The following RPS6KA2 variants were observed in gnomAD, a reference collection of about 807,000 sequenced individuals.
The protein encoded by RPS6KA2 is ribosomal protein S6 kinase alpha-2.
Under a neutral mutation model 91.8 loss-of-function variants are expected in RPS6KA2, and 42 were observed. That is an observed-to-expected ratio of 0.46 (90% confidence interval 0.36 to 0.59). RPS6KA2 has a LOEUF of 0.59. Ranked by LOEUF, RPS6KA2 falls within the 20% of genes least tolerant of loss-of-function variation. RPS6KA2 has a pLI of 0.00. For synonymous variants in RPS6KA2, 414 were observed against 393.6 expected, an observed-to-expected ratio of 1.05 and a Z score of -0.61; for missense variants, 798 against 978.5, an observed-to-expected ratio of 0.82 and a Z score of 2.46.
intron 2 of RPS6KA2, among the ~76,000 whole-genome samples, chr6:166,796,163 G>A (rs1326779746): frequency 6.6e-6 from 1 of 152,186 alleles, no homozygotes; most frequent in African/African-American, 2.4e-5. Context: ...CTAGCGGGGA[G>A]ACTAAAAGTA....
chr6:166,515,727 A>T (rs1433198660), intron 3 of RPS6KA2, among the ~76,000 whole-genome samples: 8 of 152,200 alleles, frequency 5.3e-5, no homozygotes, highest in Non-Finnish European at 8.8e-5. Flanking sequence ...TGTGAAAGGA[A>T]AATAAATCCT....
chr6:166,695,384 C>T (rs1172042699), intron 2 of RPS6KA2, among the ~76,000 whole-genome samples: 1 of 152,228 alleles, frequency 6.6e-6, no homozygotes, highest in Non-Finnish European at 1.5e-5. Context: ...AGGAGACCCA[C>T]AGAGACGTAC....
At position 166,626,903 on chromosome 6, in the gene RPS6KA2, C is replaced by T; in HGVS notation, c.99+18G>A. ...CTCAGTGCCCGGCACCTGCGCGCCCCGAGGGCGGCCGCATTACCTCGAGCC... is the reference window on the plus strand; with the variant it reads ...CTCAGTGCCCGGCACCTGCGCGCCCTGAGGGCGGCCGCATTACCTCGAGCC... On this transcript the variant is annotated intron_variant, in intron 1 of 20. Transcript: ENST00000265678. The surrounding 1 kb of genome is among the most constrained non-coding windows in gnomAD (Gnocchi z 4.1). 1 of 1,485,496 alleles carries T rather than the reference C, an allele frequency of 6.7e-7. No individual in the cohort carries two copies. The allele number at this position is 1,485,496 out of a possible 1,614,324, so 92.0% of individuals were successfully genotyped here.
chr6:166,555,586 C>T lies in RPS6KA2; in HGVS notation c.100-16802G>A, dbSNP rs185964768. Among the ~76,000 whole-genome samples, 8 of 152,190 alleles carry T rather than the reference C, an allele frequency of 5.3e-5. No homozygotes were observed. In the East Asian group the frequency reaches 7.7e-4, roughly 15 times the overall value. On this transcript the variant is annotated intron_variant, in intron 1 of 20. Coordinates refer to ENST00000265678, the MANE Select transcript of RPS6KA2 (RefSeq NM_021135.6). ...CGGGGAGGTGGATTTGAGGTTTTCT[C>T]CCATCGCCTCGTTCAGGGATGCTAC...
chr6:166,581,714 C>A lies in RPS6KA2; in HGVS notation c.100-42930G>T, dbSNP rs1303731331. Among the ~76,000 whole-genome samples the A allele has an allele frequency of 2.6e-5, 4 of 152,218 alleles. No individual in the cohort carries two copies. The East Asian group carries it at 7.7e-4, about 29-fold the overall frequency. On this transcript the variant is annotated intron_variant, in intron 1 of 20. Transcript: ENST00000265678. ...GAAATCACCACTTCAAATGAAGACCCACCCTGGGCGAGATGGGGAGGGAAC... is the reference window on the plus strand; with the variant it reads ...GAAATCACCACTTCAAATGAAGACCAACCCTGGGCGAGATGGGGAGGGAAC...
At chr6:166,691,543 C>T (rs949827450) in intron 2 of RPS6KA2, among the ~76,000 whole-genome samples, 3 of 152,122 alleles carry the variant, frequency 2.0e-5, no homozygotes, top group Admixed American at 1.3e-4. Context: ...GTGCTCAGCC[C>T]GGGCCTCCCC....
chr6:166,789,665 C>A (rs993716689), intron 2 of RPS6KA2, among the ~76,000 whole-genome samples: 1 of 152,218 alleles, frequency 6.6e-6, no homozygotes, highest in Admixed American at 6.5e-5. Flanking sequence ...TGAGACAAAA[C>A]TTCCAGAGGA....
intron 2 of RPS6KA2, among the ~76,000 whole-genome samples, chr6:166,812,602 C>A (rs182496563): frequency 2.0e-5 from 3 of 152,134 alleles, no homozygotes; most frequent in Non-Finnish European, 4.4e-5. Context: ...GGGCGCGTGG[C>A]CTCCCATACC....
intron 2 of RPS6KA2, among the ~76,000 whole-genome samples, chr6:166,728,426 G>T (rs1050707178): frequency 6.6e-6 from 1 of 152,122 alleles, no homozygotes; most frequent in Non-Finnish European, 1.5e-5. Context: ...GCGTTGCAGT[G>T]GATAAAAAAG....
chr6:166,643,238 C>G (rs1046805973), intron 2 of RPS6KA2, among the ~76,000 whole-genome samples: 1 of 152,018 alleles, frequency 6.6e-6, no homozygotes, highest in African/African-American at 2.4e-5. Context: ...AGAAATAAAT[C>G]AAAATATGTA....
At chr6:166,774,953 G>T (rs1778574787) in intron 2 of RPS6KA2, among the ~76,000 whole-genome samples, 1 of 151,944 alleles carries the variant, frequency 6.6e-6, no homozygotes, top group African/African-American at 2.4e-5. Context: ...AGCTTTTAGG[G>T]TTGGGAGGGC....
intron 8 of RPS6KA2, among the ~76,000 whole-genome samples, chr6:166,496,233 G>A (rs996741010): frequency 1.3e-5 from 2 of 151,608 alleles, no homozygotes; most frequent in Non-Finnish European, 3.0e-5. Flanking sequence ...GCCTGTAGTC[G>A]CAGCTACTTG....
chr6:166,824,701 C>CTG (rs372922737), intron 2 of RPS6KA2, among the ~76,000 whole-genome samples: 25 of 111,062 alleles, frequency 2.3e-4, no homozygotes, highest in African/African-American at 6.9e-4. Context: ...GTGTCTGTGT[C>CTG]TGTGTGTGTG....
intron 2 of RPS6KA2, among the ~76,000 whole-genome samples, chr6:166,773,679 C>A (rs1427395410): frequency 6.6e-6 from 1 of 152,208 alleles, no homozygotes; most frequent in Non-Finnish European, 1.5e-5. Flanking sequence ...GGATTACAGG[C>A]GTGAGCCACT....
At chr6:166,442,933 C>A (rs140838920) in intron 14 of RPS6KA2, among the ~76,000 whole-genome samples, 1 of 152,176 alleles carries the variant, frequency 6.6e-6, no homozygotes, top group East Asian at 1.9e-4. Flanking sequence ...AGGTACCGAC[C>A]CCTCAAGAAG....
chr6:166,527,831 G>A (rs957215462), intron 3 of RPS6KA2, among the ~76,000 whole-genome samples: 6 of 152,186 alleles, frequency 3.9e-5, no homozygotes, highest in Admixed American at 6.5e-5. Flanking sequence ...GGCTGTTCCC[G>A]CTAAGTACAC....
At chr6:166,627,256 G>A, upstream of RPS6KA2, 1 of 1,012,034 alleles carries the variant, frequency 9.9e-7, no homozygotes, top group African/African-American at 1.7e-5. Flanking sequence ...GCGAGTACCA[G>A]CGCCGGCCAC....
At chr6:166,739,935 T>G (rs1790765444) in intron 2 of RPS6KA2, among the ~76,000 whole-genome samples, 1 of 152,252 alleles carries the variant, frequency 6.6e-6, no homozygotes, top group South Asian at 2.1e-4. Context: ...CTCATGTGGA[T>G]GACACCAGCA....
At chr6:166,578,056 G>A (rs1290018513) in intron 1 of RPS6KA2, among the ~76,000 whole-genome samples, 2 of 151,820 alleles carry the variant, frequency 1.3e-5, no homozygotes, top group Non-Finnish European at 1.5e-5. Context: ...AATGTTTTTT[G>A]CCTCCTGCCA....
Sources: gnomAD v4.1 joint callset for allele counts (sites outside exome capture counted in the v4.1 genomes callset) on GRCh38, gnomAD v4.1.1 for gene constraint, Gnocchi (gnomAD v3.1) non-coding constraint, MANE v1.5 for transcripts, NCBI Gene and HGNC (gene_info 2026-07-23, HGNC 2026-07-21) for gene names.